Variants in SLC17A6 observed in about 807,000 individuals in gnomAD.
SLC17A6 encodes solute carrier family 17 member 6, also known as vesicular glutamate transporter 2.
In SLC17A6, 35 loss-of-function variants were observed where a neutral mutation model predicts 67.1. That is an observed-to-expected ratio of 0.52 (90% CI 0.40 to 0.69). The LOEUF (loss-of-function observed/expected upper bound fraction) is 0.69, where lower values mean the gene tolerates loss of function less well. Ranked by LOEUF, SLC17A6 falls within the 30% of genes least tolerant of loss-of-function variation. The pLI, the probability that SLC17A6 is intolerant of heterozygous loss-of-function variation, is 0.00. For missense variants in SLC17A6, 588 were observed against 723.9 expected, an observed-to-expected ratio of 0.81 and a Z score of 2.15; for synonymous variants, 285 against 252.3, an observed-to-expected ratio of 1.13 and a Z score of -1.23.
chr11:22,358,318 T>C (rs554756234), intron 3 of SLC17A6, among the ~76,000 whole-genome samples: 2 of 151,280 alleles, frequency 1.3e-5, no homozygotes, highest in South Asian at 4.2e-4. Flanking sequence ...ATAGAAGTGT[T>C]TGTTTGTTTG....
intron 6 of SLC17A6, among the ~76,000 whole-genome samples, 172 bp downstream of exon 6, chr11:22,362,997 C>G (rs552849830): frequency 6.6e-6 from 1 of 152,284 alleles, no homozygotes; most frequent in African/African-American, 2.4e-5. Flanking sequence ...TATTTCATCT[C>G]TGTTATTTTT....
intron 3 of SLC17A6, among the ~76,000 whole-genome samples, chr11:22,349,537 C>A (rs1022218662): frequency 1.4e-4 from 22 of 152,210 alleles, no homozygotes; most frequent in Non-Finnish European, 2.4e-4. Flanking sequence ...CAATCCCTTA[C>A]CCCTTACTAG....
chr11:22,377,408 C>T lies in SLC17A6; in HGVS notation c.1417C>T (p.Arg473Cys), dbSNP rs747779446. 7 of 1,604,848 alleles carry T rather than the reference C, an allele frequency of 4.4e-6. No homozygotes were observed. The highest frequency in any genetic ancestry group is 2.2e-5 in the East Asian group (1 of 44,718). ...GTGCTGCTTTTTCTCACTGCAGTCA[C>T]GTGAAGAGTGGCAGTATGTCTTCCT... ...IVGAMTKNKS[R>C]EEWQYVFLIA... The change falls in exon 12 of 12, where the codon CGT becomes TGT. Residue 473 changes from arginine (R) to cysteine (C), a missense_variant. Arg to Cys is a radical substitution (Grantham distance 180). Around this residue, in one of 4 missense-constraint regions of SLC17A6, gnomAD observed 414 missense variants for 563.4 expected, o/e 0.73. Transcript: ENST00000263160.
intron 8 of SLC17A6, 120 bp from the exon 9 acceptor site, chr11:22,374,635 A>G (rs1856212334): frequency 2.5e-6 from 2 of 790,464 alleles, no homozygotes; most frequent in East Asian, 5.7e-5. Flanking sequence ...TCATTTGGAA[A>G]GATTATTTTT....
intron 7 of SLC17A6, among the ~76,000 whole-genome samples, chr11:22,366,738 C>T (rs867658419): frequency 1.3e-5 from 2 of 152,202 alleles, no homozygotes; most frequent in Non-Finnish European, 2.9e-5. Context: ...GGCACGGTGG[C>T]TCACGCCTGT....
At chr11:22,376,334 C>T (rs1856232651) in intron 10 of SLC17A6, among the ~76,000 whole-genome samples, 1 of 152,070 alleles carries the variant, frequency 6.6e-6, no homozygotes, top group African/African-American at 2.4e-5. Context: ...ATTACCTCTT[C>T]TCTGTGGAGT....
chr11:22,357,615 A>G (rs1856005648), intron 3 of SLC17A6, among the ~76,000 whole-genome samples: 1 of 152,244 alleles, frequency 6.6e-6, no homozygotes, highest in African/African-American at 2.4e-5. Context: ...AATGGGTAAT[A>G]TTCATCTCTC....
chr11:22,376,729 C>A, intron 11 of SLC17A6, 57 bp downstream of exon 11: 2 of 1,585,950 alleles, frequency 1.3e-6, no homozygotes, highest in Non-Finnish European at 1.7e-6. Flanking sequence ...AAATGATAAT[C>A]TTTTTGGAAA....
intron 1 of SLC17A6, among the ~76,000 whole-genome samples, chr11:22,339,513 A>G (rs1277429784): frequency 6.6e-6 from 1 of 152,134 alleles, no homozygotes; most frequent in Non-Finnish European, 1.5e-5. Flanking sequence ...CACTATACTA[A>G]TTATGCTGTA....
In SLC17A6 at chr11:22,367,908, G is replaced by A. The variant is rs143358089; in HGVS notation, c.892-2131G>A. On this transcript the variant is annotated intron_variant, in intron 7 of 11. Coordinates refer to ENST00000263160, the MANE Select transcript of SLC17A6 (RefSeq NM_020346.3). ...GTAAATTTTAAAATGAGATTATGTG[G>A]GAATAGAACTTGCATTTTAGTTAAT... is the stretch of plus-strand genomic sequence containing the variant. Among the ~76,000 whole-genome samples, 495 of 152,132 alleles carry A rather than the reference G, an allele frequency of 3.3e-3. 1 individual carries two copies. The highest frequency in any genetic ancestry group is 0.011 in the African/African-American group (453 of 41,524).
At chr11:22,351,030 A>G (rs1306455365) in intron 3 of SLC17A6, among the ~76,000 whole-genome samples, 1 of 152,064 alleles carries the variant, frequency 6.6e-6, no homozygotes, top group Admixed American at 6.6e-5. Context: ...AATTTTACAA[A>G]ATGTATTTAT....
In SLC17A6 at chr11:22,379,182, T is replaced by A. The variant is rs72969039; in HGVS notation, c.*1442T>A. 3,492 of 152,644 alleles carry A rather than the reference T, an allele frequency of 0.023. 51 individuals carry two copies. Among genetic ancestry groups the A allele is most frequent in the Non-Finnish European group, 0.036 (2,428 of 67,988 alleles). The allele number at this position is 152,644 out of a possible 1,614,324, so 9.5% of individuals were successfully genotyped here. The stretch of plus-strand genomic sequence containing the variant: ...AAGCTAACATCAGACCCCTTTATAA[T>A]GTCCTAAAATTATGATAATACATTT... On this transcript the variant is annotated 3_prime_UTR_variant, in exon 12 of 12. Transcript: ENST00000263160.
intron 6 of SLC17A6, among the ~76,000 whole-genome samples, chr11:22,364,626 C>T (rs933064780): frequency 6.7e-6 from 1 of 148,738 alleles, no homozygotes; most frequent in Non-Finnish European, 1.5e-5. Flanking sequence ...TGTTAGGAAA[C>T]CCTTCTTGGA....
chr11:22,374,695 T>C, intron 8 of SLC17A6, 60 bp from the exon 9 acceptor site: 1 of 1,395,856 alleles, frequency 7.2e-7, no homozygotes, highest in Non-Finnish European at 9.6e-7. Context: ...ACAAAGGCCA[T>C]TAAATTGCCC....
chr11:22,376,346 A>G (rs1327994236), intron 10 of SLC17A6, among the ~76,000 whole-genome samples, 199 bp from the exon 11 acceptor site: 1 of 152,102 alleles, frequency 6.6e-6, no homozygotes, highest in Non-Finnish European at 1.5e-5. Flanking sequence ...CTGTGGAGTG[A>G]ACATCACATA....
intron 3 of SLC17A6, among the ~76,000 whole-genome samples, chr11:22,348,576 C>A (rs1177443160): frequency 6.6e-6 from 1 of 152,136 alleles, no homozygotes; most frequent in African/African-American, 2.4e-5. Flanking sequence ...TCAGTTTGGG[C>A]TCTTAGAACT....
intron 3 of SLC17A6, among the ~76,000 whole-genome samples, chr11:22,350,467 A>AAC (rs1855925791): frequency 6.6e-6 from 1 of 152,010 alleles, no homozygotes; most frequent in African/African-American, 2.4e-5. Context: ...ACAAAAAAAA[A>AAC]CCCAACAATT....
chr11:22,344,836 G>A (rs1855857405), intron 3 of SLC17A6, among the ~76,000 whole-genome samples: 1 of 152,114 alleles, frequency 6.6e-6, no homozygotes, highest in African/African-American at 2.4e-5. Flanking sequence ...TTGATTATGA[G>A]CATGTTATAT....
intron 3 of SLC17A6, among the ~76,000 whole-genome samples, chr11:22,345,887 T>C (rs1468645376): frequency 6.6e-6 from 1 of 152,212 alleles, no homozygotes; most frequent in Admixed American, 6.5e-5. Context: ...ACATGGTGAA[T>C]GTCCAACTAG....
Sources: allele counts gnomAD v4.1 joint callset (sites outside exome capture counted in the v4.1 genomes callset), GRCh38; gene constraint gnomAD v4.1.1; regional missense constraint gnomAD v4.1.1; transcripts MANE v1.5; gene names NCBI Gene and HGNC (gene_info 2026-07-23, HGNC 2026-07-21).